BIRC5: variants seen among roughly 807,000 people sequenced by gnomAD.
BIRC5 encodes baculoviral IAP repeat containing 5.
A neutral mutation model predicts 15.8 loss-of-function variants in BIRC5; 8 were observed. That is an observed-to-expected ratio of 0.51 (90% CI 0.30 to 0.91). The LOEUF is 0.91. Ranked by LOEUF, BIRC5 falls within the 40% of genes least tolerant of loss-of-function variation. The pLI is 0.07. For synonymous variants in BIRC5, 56 were observed against 64.5 expected (o/e 0.87, Z 0.63); for missense variants, 163 against 178.6 (o/e 0.91, Z 0.50).
intron 3 of BIRC5, chr17:78,222,718 C>A: frequency 7.3e-7 from 1 of 1,369,142 alleles, no homozygotes; most frequent in Non-Finnish European, 9.6e-7. Flanking sequence ...CAAATTTAAC[C>A]CAATAAAGGT....
At chr17:78,223,159 C>T (rs1401153515) in intron 3 of BIRC5, among the ~76,000 whole-genome samples, 1 of 152,174 alleles carries the variant, frequency 6.6e-6, no homozygotes, top group Non-Finnish European at 1.5e-5. Flanking sequence ...TGGGAGCACC[C>T]AGCGCAGGAT....
chr17:78,218,441 G>A (rs1160790856), intron 3 of BIRC5, among the ~76,000 whole-genome samples: 3 of 141,272 alleles, frequency 2.1e-5, no homozygotes, highest in Non-Finnish European at 4.6e-5. Flanking sequence ...CTACAGGCAC[G>A]CACCACCATG....
chr17:78,214,342 C>G lies in BIRC5; in HGVS notation c.26C>G (p.Ala9Gly). Residue 9 changes from alanine (A) to glycine (G), a missense_variant, in exon 1 of 4, where the codon GCC becomes GGC. Transcript: ENST00000350051. Reference sequence around the variant, plus strand: ...ATGGGTGCCCCGACGTTGCCCCCTGCCTGGCAGCCCTTTCTCAAGGACCAC... The same window carrying G: ...ATGGGTGCCCCGACGTTGCCCCCTGGCTGGCAGCCCTTTCTCAAGGACCAC... MGAPTLPP[A>G]WQPFLKDHRI... 3 of 1,608,754 alleles carry G rather than the reference C, an allele frequency of 1.9e-6. No individual in the cohort carries two copies. The highest frequency in any genetic ancestry group is 2.5e-6 in the Non-Finnish European group (3 of 1,178,026).
chr17:78,222,914 C>G (rs991490404), intron 3 of BIRC5: 5 of 1,534,496 alleles, frequency 3.3e-6, no homozygotes, highest in Non-Finnish European at 4.4e-6. Flanking sequence ...CGAGGAAGAG[C>G]CTGATGTTTG....
At chr17:78,215,316 C>A (rs1332152806) in intron 2 of BIRC5, among the ~76,000 whole-genome samples, 1 of 151,980 alleles carries the variant, frequency 6.6e-6, no homozygotes, top group Non-Finnish European at 1.5e-5. Flanking sequence ...ACTCGGGAGG[C>A]TAAGGCAGGA....
intron 3 of BIRC5, among the ~76,000 whole-genome samples, chr17:78,219,946 A>G (rs1275396959): frequency 6.6e-6 from 1 of 152,198 alleles, no homozygotes; most frequent in African/African-American, 2.4e-5. Flanking sequence ...ACCAGGTCCC[A>G]GAGCGCTGAG....
rs1329726079 is a variant in BIRC5, at chr17:78,216,417, T to G, written c.222-247T>G. 5 of 411,192 alleles carry G rather than the reference T, an allele frequency of 1.2e-5. No individual in the cohort carries two copies. In the East Asian group the frequency reaches 1.7e-4, roughly 14 times the overall value. 25.5% of individuals were successfully genotyped at this position (411,192 alleles called of 1,614,324 possible). The stretch of plus-strand genomic sequence containing the variant: ...CAACTAATTGCTAAGGAAGTCCAGA[T>G]AAAATAGATACATTAGCCACACAGA... On this transcript the variant is annotated intron_variant, in intron 2 of 3. Coordinates refer to ENST00000350051, the MANE Select transcript of BIRC5 (RefSeq NM_001168.3).
At position 78,224,066 on chromosome 17, in the gene BIRC5, T is replaced by TG. The variant is rs2076534153; in HGVS notation, c.*512_*513insG. Reference sequence around the variant, plus strand: ...TTTTTTTGTTGTTGTGTTTTTTTGTTTTTTTTTTTTTGGTAGATGCATGAC... The same window carrying TG: ...TTTTTTTGTTGTTGTGTTTTTTTGTTGTTTTTTTTTTTGGTAGATGCATGAC... On this transcript the variant is annotated 3_prime_UTR_variant, in exon 4 of 4. Transcript: ENST00000350051. The TG allele has an allele frequency of 1.3e-5, 2 of 151,624 alleles. No homozygotes were observed. The highest frequency in any genetic ancestry group is 6.7e-5 in the Admixed American group (1 of 15,030). 9.4% of individuals were successfully genotyped at this position (151,624 alleles called of 1,614,324 possible). A position where few individuals can be genotyped will look rare whatever the true frequency, so the allele number is the denominator to read the frequency against.
intron 2 of BIRC5, chr17:78,215,943 T>G: frequency 9.4e-7 from 1 of 1,066,084 alleles, no homozygotes; most frequent in South Asian, 3.5e-5. Flanking sequence ...AATAATGCCC[T>G]TCTCTGCCCT....
chr17:78,222,952 A>G (rs2076525028), intron 3 of BIRC5: 16 of 1,526,438 alleles, frequency 1.0e-5, no homozygotes, highest in African/African-American at 1.4e-5. Context: ...GGACATGAAG[A>G]GGAAGGCTCT....
chr17:78,223,648 A>T lies in BIRC5; in HGVS notation c.*94A>T. The T allele has an allele frequency of 1.3e-6, 2 of 1,582,428 alleles. No individual in the cohort carries two copies. The highest frequency in any genetic ancestry group is 1.4e-5 in the African/African-American group (1 of 73,736). ...CCAGCCTTCCTGTGGGCCCCTTAGC[A>T]ATGTCTTAGGAAAGGAGATCAACAT... On this transcript the variant is annotated 3_prime_UTR_variant, in exon 4 of 4. Transcript: ENST00000350051.
Position 78,216,740 on chromosome 17 carries a change from G to A in BIRC5, c.298G>A (p.Glu100Lys). 1.2e-6 allele frequency: 2 copies of A among 1,613,940 alleles called. No individual in the cohort carries two copies. Among genetic ancestry groups the A allele is most frequent in the Non-Finnish European group, 1.7e-6 (2 of 1,179,900 alleles). The change falls in exon 3 of 4, where the codon GAA (glutamate) becomes AAA (lysine). Residue 100 changes from glutamate (E) to lysine (K), a missense_variant. Physicochemically the swap from Glu to Lys is moderately conservative, Grantham distance 56. Coordinates refer to ENST00000350051, the MANE Select transcript of BIRC5 (RefSeq NM_001168.3). ...KKQFEELTLG[E>K]FLKLDRERAK... Reference sequence around the variant, plus strand: ...GCAGTTTGAAGAATTAACCCTTGGTGAATTTTTGAAACTGGACAGAGAAAG... The same window carrying A: ...GCAGTTTGAAGAATTAACCCTTGGTAAATTTTTGAAACTGGACAGAGAAAG...
In BIRC5 at chr17:78,223,520, G is replaced by A. The variant is rs749366140; in HGVS notation, c.395G>A (p.Arg132His). The A allele has an allele frequency of 1.2e-5, 20 of 1,612,470 alleles. No individual in the cohort carries two copies. The East Asian group carries it at 1.3e-4, about 11-fold the overall frequency. ...TTTGAGGAAACTGCGGAGAAAGTGC[G>A]CCGTGCCATCGAGCAGCTGGCTGCC... The part of the protein sequence containing the change: ...KEFEETAEKV[R>H]RAIEQLAAMD Residue 132 changes from arginine (R) to histidine (H), a missense_variant, in exon 4 of 4, where the codon CGC (arginine) becomes CAC (histidine). Physicochemically the swap from Arg to His is conservative, Grantham distance 29. Coordinates refer to ENST00000350051, the MANE Select transcript of BIRC5 (RefSeq NM_001168.3).
intron 2 of BIRC5, chr17:78,216,099 A>G (rs757384499): frequency 1.9e-5 from 9 of 467,038 alleles, no homozygotes; most frequent in African/African-American, 1.9e-4. Flanking sequence ...AATACAAAAA[A>G]TTAGCCGGGC....
rs1210970387 is a variant in BIRC5, at chr17:78,225,020, CTG to C, written c.*1468_*1469del. The C allele has an allele frequency of 1.3e-5, 2 of 152,246 alleles. No individual in the cohort carries two copies. The highest frequency in any genetic ancestry group is 2.9e-5 in the Non-Finnish European group (2 of 68,056). 9.4% of individuals were successfully genotyped at this position (152,246 alleles called of 1,614,324 possible). A position where few individuals can be genotyped will look rare whatever the true frequency, so the allele number is the denominator to read the frequency against. ...GTTAGCAGAAAATGCACTCCAGCCT[CTG>C]TACTCATCTAAGCTGCTTATTTTTG... On this transcript the variant is annotated 3_prime_UTR_variant, in exon 4 of 4. Coordinates refer to ENST00000350051, the MANE Select transcript of BIRC5 (RefSeq NM_001168.3).
At chr17:78,215,877 C>T in intron 2 of BIRC5, 2 of 1,064,104 alleles carry the variant, frequency 1.9e-6, no homozygotes, top group African/African-American at 3.4e-5. Context: ...TACAGGGAGA[C>T]TCCCCTAGCA....
Position 78,223,523 on chromosome 17 carries a change from G to T in BIRC5, c.398G>T (p.Arg133Leu). 6.2e-7 allele frequency: 1 copy of T among 1,612,800 alleles called. No homozygotes were observed. Among genetic ancestry groups the T allele is most frequent in the South Asian group, 1.1e-5 (1 of 90,742 alleles). ...GAGGAAACTGCGGAGAAAGTGCGCC[G>T]TGCCATCGAGCAGCTGGCTGCCATG... ...EFEETAEKVR[R>L]AIEQLAAMD The change falls in exon 4 of 4, where the codon CGT becomes CTT. Residue 133 changes from arginine to leucine, a missense_variant. Coordinates refer to ENST00000350051, the MANE Select transcript of BIRC5 (RefSeq NM_001168.3).
In BIRC5 at chr17:78,220,868, G is replaced by A. The variant is rs1020917979; in HGVS notation, c.340-2597G>A. ...CCCAAGTAGCTGGGACCACAGGTGCGTGTGTTGCGCTATACAAATCCTGAA... is the reference window on the plus strand; with the variant it reads ...CCCAAGTAGCTGGGACCACAGGTGCATGTGTTGCGCTATACAAATCCTGAA... On this transcript the variant is annotated intron_variant, in intron 3 of 3. Transcript: ENST00000350051. Among the ~76,000 whole-genome samples the A allele has an allele frequency of 3.9e-5, 6 of 152,018 alleles. No individual in the cohort carries two copies. The East Asian group carries it at 5.9e-4, about 15-fold the overall frequency.
Position 78,214,404 on chromosome 17 carries a change from G to A in BIRC5, c.88G>A (p.Gly30Ser). 1 of 1,590,232 alleles carries A rather than the reference G, an allele frequency of 6.3e-7. No individual in the cohort carries two copies. Among genetic ancestry groups the A allele is most frequent in the Non-Finnish European group, 8.6e-7 (1 of 1,167,638 alleles). The change falls in exon 1 of 4, where the codon GGC becomes AGC. Residue 30 changes from glycine (G) to serine (S), a missense_variant. By Grantham distance (56) the Gly-to-Ser change is moderately conservative. Coordinates refer to ENST00000350051, the MANE Select transcript of BIRC5 (RefSeq NM_001168.3). ...ATTCAAGAACTGGCCCTTCTTGGAG[G>A]GCTGCGCCTGCACCCCGGAGCGGGT... Reference protein sequence around the residue: ...STFKNWPFLEGCACTPERMAE... With the variant: ...STFKNWPFLESCACTPERMAE...
Sources: gnomAD v4.1 joint callset for allele counts (sites outside exome capture counted in the v4.1 genomes callset) on GRCh38, gnomAD v4.1.1 for gene constraint, MANE v1.5 for transcripts, NCBI Gene and HGNC (gene_info 2026-07-23, HGNC 2026-07-21) for gene names.